The following WRN variants were observed in gnomAD, a reference collection of about 807,000 sequenced individuals.
WRN encodes the protein bifunctional 3'-5' exonuclease/ATP-dependent helicase WRN.
In WRN, 149 loss-of-function variants were observed where a neutral mutation model predicts 180.7. The observed-to-expected ratio is 0.82, with a 90% CI of 0.72 to 0.94. The LOEUF (loss-of-function observed/expected upper bound fraction) is 0.94. Ranked by LOEUF, WRN falls within the 40% of genes least tolerant of loss-of-function variation. The pLI, the probability that WRN is intolerant of heterozygous loss-of-function variation, is 0.00. For synonymous variants in WRN, 548 were observed against 568.9 expected, an observed-to-expected ratio of 0.96 and a Z score of 0.52; for missense variants, 1,661 against 1,700.1, an observed-to-expected ratio of 0.98 and a Z score of 0.40.
intron 28 of WRN, among the ~76,000 whole-genome samples, chr8:31,146,185 C>G (rs1802849701): frequency 6.6e-6 from 1 of 151,416 alleles, no homozygotes; most frequent in African/African-American, 2.4e-5. Flanking sequence ...TTTGACTTAG[C>G]AATTTTAGAA....
At chr8:31,039,724 T>C (rs1457307413) in intron 1 of WRN, among the ~76,000 whole-genome samples, 1 of 152,308 alleles carries the variant, frequency 6.6e-6, no homozygotes, top group Admixed American at 6.5e-5. Context: ...GGAAATACCC[T>C]TTTATTCCTA....
intron 34 of WRN, among the ~76,000 whole-genome samples, chr8:31,169,920 T>A (rs1804040881): frequency 6.6e-6 from 1 of 152,140 alleles, no homozygotes; most frequent in Non-Finnish European, 1.5e-5. Flanking sequence ...GTGGATTCCT[T>A]GTACTCACTT....
intron 32 of WRN, among the ~76,000 whole-genome samples, chr8:31,156,750 GT>G (rs1803401158): frequency 6.6e-6 from 1 of 152,186 alleles, no homozygotes. Context: ...AGCCACATTT[GT>G]TTAAAGAACT....
chr8:31,050,701 A>G (rs1812048457), intron 1 of WRN, among the ~76,000 whole-genome samples: 1 of 152,130 alleles, frequency 6.6e-6, no homozygotes, highest in Admixed American at 6.5e-5. Flanking sequence ...ATGTAGATAC[A>G]GCTTTCTTCT....
intron 7 of WRN, 36 bp downstream of exon 7, chr8:31,068,363 T>C (rs1485754103): frequency 6.5e-7 from 1 of 1,532,722 alleles, no homozygotes; most frequent in South Asian, 1.1e-5. Flanking sequence ...GTGAATTCAC[T>C]CTTTTGTGAG....
In WRN at chr8:31,143,537, T is replaced by A; in HGVS notation, c.3310-13T>A. 6.4e-7 allele frequency: 1 copy of A among 1,553,952 alleles called. No homozygotes were observed. The stretch of plus-strand genomic sequence containing the variant: ...AAACTTTTTTTAATGGACCTTTATA[T>A]GTTTAAATGCAGTCTAACTTGGAGA... On this transcript the variant is annotated splice_polypyrimidine_tract_variant and intron_variant, in intron 27 of 34. Coordinates refer to ENST00000298139, the MANE Select transcript of WRN (RefSeq NM_000553.6).
intron 18 of WRN, among the ~76,000 whole-genome samples, chr8:31,104,731 G>A (rs1429060419): frequency 6.6e-6 from 1 of 152,168 alleles, no homozygotes; most frequent in Non-Finnish European, 1.5e-5. Flanking sequence ...TTAAATTGCA[G>A]CAGATCCTTT....
chr8:31,042,734 G>A (rs1471741332), intron 1 of WRN, among the ~76,000 whole-genome samples: 1 of 152,198 alleles, frequency 6.6e-6, no homozygotes. Flanking sequence ...AAGCAGAGAA[G>A]TAGAGTACTC....
intron 33 of WRN, among the ~76,000 whole-genome samples, 189 bp downstream of exon 33, chr8:31,157,719 A>T (rs1803444366): frequency 6.6e-6 from 1 of 152,104 alleles, no homozygotes; most frequent in African/African-American, 2.4e-5. Context: ...GTATACTGAG[A>T]AATTTTTTTG....
chr8:31,155,143 G>A (rs190644713), intron 32 of WRN, among the ~76,000 whole-genome samples: 10 of 152,184 alleles, frequency 6.6e-5, no homozygotes, highest in Non-Finnish European at 2.9e-5. Context: ...AAAAACAAAC[G>A]TAAACGTGTG....
At chr8:31,103,893 C>G (rs541995931) in intron 18 of WRN, among the ~76,000 whole-genome samples, 1 of 152,146 alleles carries the variant, frequency 6.6e-6, no homozygotes, top group East Asian at 1.9e-4. Flanking sequence ...CGCCACTGTG[C>G]CCGGCTAATT....
intron 31 of WRN, 114 bp from the exon 32 acceptor site, chr8:31,154,510 G>A: frequency 2.4e-6 from 3 of 1,240,192 alleles, no homozygotes; most frequent in Non-Finnish European, 3.3e-6. Context: ...GGAATTATTT[G>A]TTGCTTATGG....
chr8:31,067,272 G>C, intron 6 of WRN, 90 bp downstream of exon 6: 3 of 1,403,856 alleles, frequency 2.1e-6, no homozygotes, highest in Non-Finnish European at 2.9e-6. Flanking sequence ...AGTAGTGGCA[G>C]AAACTCTACC....
chr8:31,113,545 T>A (rs1374694684), intron 19 of WRN, among the ~76,000 whole-genome samples: 2 of 152,068 alleles, frequency 1.3e-5, no homozygotes. Flanking sequence ...TAGGTTAGAG[T>A]CTCCACAGTC....
At chr8:31,077,808 T>C (rs1243123903) in intron 8 of WRN, among the ~76,000 whole-genome samples, 2 of 152,222 alleles carry the variant, frequency 1.3e-5, no homozygotes, top group Non-Finnish European at 2.9e-5. Flanking sequence ...AGAATTAAAT[T>C]TGAGGCATAT....
At chr8:31,074,701 G>T (rs527967439) in intron 7 of WRN, among the ~76,000 whole-genome samples, 2 of 152,288 alleles carry the variant, frequency 1.3e-5, no homozygotes, top group South Asian at 4.1e-4. Flanking sequence ...GTTTTATTAT[G>T]AGTAGAGGTT....
intron 9 of WRN, among the ~76,000 whole-genome samples, chr8:31,083,280 T>G (rs1813392238): frequency 6.6e-6 from 1 of 152,230 alleles, no homozygotes; most frequent in Non-Finnish European, 1.5e-5. Context: ...AGTAGTTTTT[T>G]GCAATCTTTT....
At chr8:31,109,091 T>G (rs1801204653) in intron 18 of WRN, among the ~76,000 whole-genome samples, 4 of 152,192 alleles carry the variant, frequency 2.6e-5, no homozygotes, top group Admixed American at 2.6e-4. Context: ...ATACATGTGT[T>G]CAGGCCTTTC....
intron 1 of WRN, among the ~76,000 whole-genome samples, chr8:31,049,049 A>T (rs1409660604): frequency 6.6e-6 from 1 of 151,622 alleles, no homozygotes; most frequent in Non-Finnish European, 1.5e-5. Flanking sequence ...TACTAAAAAA[A>T]AAATACAGAA....
Sources: gnomAD v4.1 joint callset for allele counts (sites outside exome capture counted in the v4.1 genomes callset) on GRCh38, gnomAD v4.1.1 for gene constraint, MANE v1.5 for transcripts, NCBI Gene and HGNC (gene_info 2026-07-23, HGNC 2026-07-21) for gene names.